IBSP: variants seen among roughly 807,000 people sequenced by gnomAD.
IBSP encodes integrin-binding sialoprotein.
Under a neutral mutation model 25.5 loss-of-function variants are expected in IBSP, and 19 were observed. The observed-to-expected ratio is 0.74, with a 90% CI of 0.52 to 1.09. The LOEUF is 1.09. Ranked by LOEUF, IBSP falls within the 50% of genes least tolerant of loss-of-function variation. IBSP has a pLI of 0.00. For missense variants in IBSP, 360 were observed against 382.3 expected, an observed-to-expected ratio of 0.94 and a Z score of 0.49; for synonymous variants, 144 against 137.6, an observed-to-expected ratio of 1.05 and a Z score of -0.33.
chr4:87,810,978 T>G (rs534554060), intron 6 of IBSP, among the ~76,000 whole-genome samples: 119 of 152,266 alleles, frequency 7.8e-4, no homozygotes, highest in Non-Finnish European at 9.4e-4. Context: ...CAAGTTCTCC[T>G]ACCATGTTAT....
intron 1 of IBSP, among the ~76,000 whole-genome samples, chr4:87,801,507 C>T (rs969063386): frequency 1.0e-4 from 9 of 89,274 alleles, no homozygotes; most frequent in Non-Finnish European, 2.8e-4. Flanking sequence ...CACACACACA[C>T]ACACACACGC....
chr4:87,806,775 C>T (rs900839858), intron 5 of IBSP, among the ~76,000 whole-genome samples: 2 of 152,058 alleles, frequency 1.3e-5, no homozygotes, highest in Middle Eastern at 3.2e-3. Context: ...GAGGCCAAGG[C>T]GGCCAGATCA....
chr4:87,807,553 T>C (rs1273272258), intron 5 of IBSP, among the ~76,000 whole-genome samples: 1 of 152,176 alleles, frequency 6.6e-6, no homozygotes, highest in Non-Finnish European at 1.5e-5. Context: ...TAGGCTAAGG[T>C]TATCCATTTA....
chr4:87,808,384 T>C (rs974434864), intron 5 of IBSP, among the ~76,000 whole-genome samples: 2 of 152,114 alleles, frequency 1.3e-5, no homozygotes, highest in Non-Finnish European at 1.5e-5. Context: ...GGTTTCACCA[T>C]GTTAGCCAGG....
At position 87,811,750 on chromosome 4, in the gene IBSP, A is replaced by C. The variant is rs1399922662; in HGVS notation, c.794A>C (p.Tyr265Ser). 1 of 1,613,970 alleles carries C rather than the reference A, an allele frequency of 6.2e-7. No homozygotes were observed. Among genetic ancestry groups the C allele is most frequent in the African/African-American group, 1.3e-5 (1 of 74,930 alleles). The part of the protein sequence containing the change: ...TTVEYEGEYE[Y>S]TGANEYDNGY... The stretch of plus-strand genomic sequence containing the variant: ...GTTGAATACGAGGGGGAGTACGAAT[A>C]CACGGGCGCCAATGAATACGACAAT... Residue 265 changes from tyrosine to serine, a missense_variant, in exon 7 of 7, where the codon TAC (tyrosine) becomes TCC (serine). Coordinates refer to ENST00000226284, the MANE Select transcript of IBSP (RefSeq NM_004967.4).
chr4:87,810,798 A>G (rs1722160274), intron 6 of IBSP, 34 bp downstream of exon 6: 13 of 1,580,014 alleles, frequency 8.2e-6, no homozygotes, highest in South Asian at 1.1e-5. Context: ...AAATGAAATT[A>G]TTACCATTAA....
At chr4:87,807,801 G>T (rs1722110127) in intron 5 of IBSP, among the ~76,000 whole-genome samples, 1 of 152,126 alleles carries the variant, frequency 6.6e-6, no homozygotes, top group Admixed American at 6.6e-5. Flanking sequence ...ATGACCATAG[G>T]TTAAAATCCC....
At chr4:87,803,093 C>T (rs1417233478) in intron 4 of IBSP, among the ~76,000 whole-genome samples, 1 of 152,146 alleles carries the variant, frequency 6.6e-6, no homozygotes, top group Non-Finnish European at 1.5e-5. Context: ...CCTATTACAG[C>T]TGATTCAATA....
intron 5 of IBSP, among the ~76,000 whole-genome samples, chr4:87,807,749 T>C (rs1307800020): frequency 6.6e-6 from 1 of 152,222 alleles, no homozygotes; most frequent in Non-Finnish European, 1.5e-5. Flanking sequence ...CAAGGATCTC[T>C]GAACATTTAA....
At chr4:87,800,070 C>T (rs971482801) in intron 1 of IBSP, among the ~76,000 whole-genome samples, 1 of 152,052 alleles carries the variant, frequency 6.6e-6, no homozygotes, top group African/African-American at 2.4e-5. Flanking sequence ...TTGATGTTTC[C>T]TATAGCTCTA....
Position 87,808,979 on chromosome 4 carries a change from G to A in IBSP, c.247-1627G>A, listed in dbSNP as rs150205329. Among the ~76,000 whole-genome samples the A allele has an allele frequency of 1.3e-3, 205 of 152,252 alleles. 1 individual carries two copies. Among genetic ancestry groups the A allele is most frequent in the Non-Finnish European group, 2.1e-3 (146 of 68,004 alleles). ...TTTCACCTAAAAGTGAAATTTCGGA[G>A]TCGAAATCTACTGAGGCATATATAT... On this transcript the variant is annotated intron_variant, in intron 5 of 6. Coordinates refer to ENST00000226284, the MANE Select transcript of IBSP (RefSeq NM_004967.4).
chr4:87,803,913 CT>C (rs1485235674), intron 4 of IBSP, among the ~76,000 whole-genome samples: 1 of 152,110 alleles, frequency 6.6e-6, no homozygotes, highest in African/African-American at 2.4e-5. Flanking sequence ...AGCTCCTAAA[CT>C]TTTCTGAAAT....
At chr4:87,802,288 TA>T in intron 1 of IBSP, 59 bp from the exon 2 acceptor site, 1 of 1,030,892 alleles carries the variant, frequency 9.7e-7, no homozygotes, top group South Asian at 1.5e-5. Context: ...TGAATATGAG[TA>T]AAAAAGTTAT....
chr4:87,810,727 G>GC lies in IBSP; in HGVS notation c.368_369insC (p.Tyr124ValfsTer19), dbSNP rs1281887114. 6.2e-7 allele frequency: 1 copy of GC among 1,613,550 alleles called. No individual in the cohort carries two copies. Among genetic ancestry groups the GC allele is most frequent in the Admixed American group, 1.7e-5 (1 of 59,930 alleles). ...GGAGAGGACGCCACGCCTGGCACAG[G>GC]GTATACAGGGTTAGCTGCAATCCAG... On this transcript the variant is annotated frameshift_variant, in exon 6 of 7. Coordinates refer to ENST00000226284, the MANE Select transcript of IBSP (RefSeq NM_004967.4). LOFTEE classifies it low-confidence loss of function (END_TRUNC).
At position 87,810,633 on chromosome 4, in the gene IBSP, G is replaced by T; in HGVS notation, c.274G>T (p.Glu92Ter). 6.2e-7 allele frequency: 1 copy of T among 1,613,246 alleles called. No individual in the cohort carries two copies. Among genetic ancestry groups the T allele is most frequent in the Non-Finnish European group, 8.5e-7 (1 of 1,179,238 alleles). The change falls in exon 6 of 7, where the codon GAA becomes TAA. Residue 92 changes from glutamate (E) to a stop codon, truncating the protein, a stop_gained. Coordinates refer to ENST00000226284, the MANE Select transcript of IBSP (RefSeq NM_004967.4). LOFTEE classifies it high-confidence loss of function. ...EETSNEGENN[E>*]ESNEDEDSEA... ...GACTTCAAATGAAGGAGAAAACAAT[G>T]AAGAATCGAATGAAGATGAAGACTC...
At chr4:87,800,775 T>G (rs1722002971) in intron 1 of IBSP, among the ~76,000 whole-genome samples, 1 of 152,214 alleles carries the variant, frequency 6.6e-6, no homozygotes, top group African/African-American at 2.4e-5. Context: ...GCAATAAATC[T>G]TGGCTGATGA....
chr4:87,809,730 T>C (rs1357987661), intron 5 of IBSP, among the ~76,000 whole-genome samples: 1 of 152,232 alleles, frequency 6.6e-6, no homozygotes, highest in Non-Finnish European at 1.5e-5. Flanking sequence ...TCTCTTAAAA[T>C]GTATTGAAGT....
chr4:87,800,077 T>G (rs1721993000), intron 1 of IBSP, among the ~76,000 whole-genome samples: 1 of 152,166 alleles, frequency 6.6e-6, no homozygotes, highest in African/African-American at 2.4e-5. Context: ...TTCCTATAGC[T>G]CTAAAGTCAG....
rs771225603 is a variant in IBSP, at chr4:87,811,818, G to A, written c.862G>A (p.Asp288Asn). The A allele has an allele frequency of 2.0e-5, 33 of 1,610,482 alleles. No individual in the cohort carries two copies. The highest frequency in any genetic ancestry group is 2.4e-5 in the Non-Finnish European group (28 of 1,178,302). ...YESENGEPRGDNYRAYEDEYS... is the reference protein window; with the variant it reads ...YESENGEPRGNNYRAYEDEYS... ...AAGTGAGAACGGGGAACCTCGTGGG[G>A]ACAATTACCGAGCCTATGAAGATGA... The change falls in exon 7 of 7, where the codon GAC becomes AAC. Residue 288 changes from aspartate to asparagine, a missense_variant. By Grantham distance (23) the Asp-to-Asn change is conservative. Transcript: ENST00000226284.
Sources: allele counts gnomAD v4.1 joint callset (sites outside exome capture counted in the v4.1 genomes callset), GRCh38; gene constraint gnomAD v4.1.1; transcripts MANE v1.5; gene names NCBI Gene and HGNC (gene_info 2026-07-23, HGNC 2026-07-21).